NELL2: variants seen among roughly 807,000 people sequenced by gnomAD.
NELL2 encodes neural EGFL like 2, also known as protein kinase C-binding protein NELL2.
A neutral mutation model predicts 109.6 loss-of-function variants in NELL2; 41 were observed. The ratio of observed to expected loss-of-function variants is 0.37; its 90% CI spans 0.29 to 0.49. NELL2 has a LOEUF of 0.49. Ranked by LOEUF, NELL2 falls within the 20% of genes least tolerant of loss-of-function variation. The pLI, the probability that NELL2 is intolerant of heterozygous loss-of-function variation, is 0.98. For synonymous variants in NELL2, 355 were observed against 344.7 expected (o/e 1.03, Z -0.33); for missense variants, 900 against 1,008.3 (o/e 0.89, Z 1.45).
At chr12:44,535,264 TA>T (rs1481496288) in intron 15 of NELL2, among the ~76,000 whole-genome samples, 3 of 151,950 alleles carry the variant, frequency 2.0e-5, no homozygotes, top group African/African-American at 7.2e-5. Context: ...TACCTTCCAA[TA>T]AACCTATTGT....
chr12:44,834,621 G>T (rs991871516), intron 2 of NELL2, among the ~76,000 whole-genome samples: 1 of 152,026 alleles, frequency 6.6e-6, no homozygotes, highest in Admixed American at 6.5e-5. Context: ...GGGCACTAAG[G>T]CCACTGCCCT....
At chr12:44,853,972 A>C (rs1320070114) in intron 2 of NELL2, among the ~76,000 whole-genome samples, 1 of 152,194 alleles carries the variant, frequency 6.6e-6, no homozygotes, top group Non-Finnish European at 1.5e-5. Flanking sequence ...TTTCTTAACA[A>C]TCCATCAGTC....
chr12:44,722,065 C>T (rs923481513), intron 9 of NELL2, among the ~76,000 whole-genome samples: 2 of 151,992 alleles, frequency 1.3e-5, no homozygotes, highest in African/African-American at 4.8e-5. Context: ...TGATAGCATA[C>T]TGGAGATGGA....
chr12:44,871,463 A>T (rs979004765), intron 2 of NELL2, among the ~76,000 whole-genome samples: 16 of 152,240 alleles, frequency 1.1e-4, no homozygotes, highest in African/African-American at 3.9e-4. Flanking sequence ...CATAACAATG[A>T]TCATTTTATA....
intron 19 of NELL2, among the ~76,000 whole-genome samples, chr12:44,513,453 C>T (rs1191774587): frequency 6.6e-6 from 1 of 151,720 alleles, no homozygotes; most frequent in Non-Finnish European, 1.5e-5. Flanking sequence ...GAAAATGACT[C>T]GAAGATGATC....
intron 15 of NELL2, among the ~76,000 whole-genome samples, chr12:44,558,663 A>G (rs889453412): frequency 6.6e-6 from 1 of 152,166 alleles, no homozygotes; most frequent in African/African-American, 2.4e-5. Context: ...TGCTTTTCCC[A>G]TGGTCTTAGC....
chr12:44,795,240 T>C (rs753780568), intron 3 of NELL2, among the ~76,000 whole-genome samples: 1 of 152,206 alleles, frequency 6.6e-6, no homozygotes, highest in Non-Finnish European at 1.5e-5. Context: ...ACAGCCCAGA[T>C]ACAAATTAGT....
chr12:44,902,827 TG>T (rs1945677095), intron 1 of NELL2, among the ~76,000 whole-genome samples: 1 of 152,138 alleles, frequency 6.6e-6, no homozygotes. Flanking sequence ...AAATAAATGG[TG>T]TTGGGAAAAC....
chr12:44,573,140 C>T (rs922933159), intron 15 of NELL2, among the ~76,000 whole-genome samples: 6 of 152,228 alleles, frequency 3.9e-5, no homozygotes, highest in Non-Finnish European at 5.9e-5. Flanking sequence ...TATTACAAGA[C>T]GGTCCATCAG....
intron 1 of NELL2, among the ~76,000 whole-genome samples, chr12:44,908,285 G>A (rs1411236187): frequency 6.6e-6 from 1 of 152,038 alleles, no homozygotes; most frequent in African/African-American, 2.4e-5. Flanking sequence ...TTGAGGAATA[G>A]AGGGTATGTA....
chr12:44,747,921 C>G (rs12830788), intron 9 of NELL2, among the ~76,000 whole-genome samples: 2 of 152,010 alleles, frequency 1.3e-5, no homozygotes, highest in African/African-American at 4.8e-5. Context: ...ATCCTTCTCC[C>G]GATAAATTCA....
At chr12:44,576,194 A>G (rs1944075747) in intron 15 of NELL2, among the ~76,000 whole-genome samples, 1 of 152,202 alleles carries the variant, frequency 6.6e-6, no homozygotes, top group South Asian at 2.1e-4. Flanking sequence ...CCCTGAGTAG[A>G]TCAAATCCCC....
upstream of NELL2, chr12:44,876,365 G>A: frequency 8.2e-7 from 1 of 1,221,912 alleles, no homozygotes; most frequent in African/African-American, 1.6e-5. Flanking sequence ...CGGGGAGGGA[G>A]GGGCGGGCCG....
chr12:44,907,400 C>G (rs1213300770), intron 1 of NELL2, among the ~76,000 whole-genome samples: 1 of 151,840 alleles, frequency 6.6e-6, no homozygotes, highest in Non-Finnish European at 1.5e-5. Context: ...AGATTAGGTG[C>G]AAAACCAAAA....
chr12:44,851,536 A>G (rs749398288), intron 2 of NELL2: 4 of 152,148 alleles, frequency 2.6e-5, no homozygotes, highest in Non-Finnish European at 5.9e-5. Flanking sequence ...CCTTTTTAGC[A>G]TCTTGCTTAT....
At chr12:44,754,980 A>G (rs1052595297) in intron 9 of NELL2, among the ~76,000 whole-genome samples, 1 of 152,188 alleles carries the variant, frequency 6.6e-6, no homozygotes, top group African/African-American at 2.4e-5. Context: ...AACCCAATGA[A>G]CTAGATCCAT....
At chr12:44,801,011 C>T (rs11182688) in intron 3 of NELL2, among the ~76,000 whole-genome samples, 29,467 of 151,964 alleles carry the variant, frequency 0.19, 3,070 homozygotes, top group South Asian at 0.28. Flanking sequence ...CCCACTGAGG[C>T]GACATTTTGA....
At chr12:44,586,664 C>G (rs912891153) in intron 15 of NELL2, among the ~76,000 whole-genome samples, 3 of 152,156 alleles carry the variant, frequency 2.0e-5, no homozygotes, top group African/African-American at 7.2e-5. Context: ...AACAGAGATA[C>G]TTTTTCTCAC....
chr12:44,649,474 G>A (rs1947228196), intron 13 of NELL2, among the ~76,000 whole-genome samples: 1 of 152,192 alleles, frequency 6.6e-6, no homozygotes, highest in African/African-American at 2.4e-5. Context: ...CGTAGAGTGA[G>A]TAAGTGGAAG....
Sources: allele counts gnomAD v4.1 joint callset (sites outside exome capture counted in the v4.1 genomes callset), GRCh38; gene constraint gnomAD v4.1.1; transcripts MANE v1.5; gene names NCBI Gene and HGNC (gene_info 2026-07-23, HGNC 2026-07-21).